Variants in DHX16 observed in about 807,000 individuals in gnomAD.
DHX16 encodes the protein DEAH-box helicase 16.
DHX16 carries 81 observed loss-of-function variants against 131.2 expected under a neutral mutation model. The ratio of observed to expected loss-of-function variants is 0.62; its 90% CI spans 0.52 to 0.74. The LOEUF (loss-of-function observed/expected upper bound fraction) is 0.74, where lower values mean the gene tolerates loss of function less well. Ranked by LOEUF, DHX16 falls within the 30% of genes least tolerant of loss-of-function variation. DHX16 has a pLI of 0.00. For synonymous variants in DHX16, 440 were observed against 520.2 expected (o/e 0.85, Z 2.10); for missense variants, 980 against 1,363.1 (o/e 0.72, Z 4.43).
Position 30,656,683 on chromosome 6 carries a change from G to A in DHX16, c.2225C>T (p.Ala742Val). The part of the protein sequence containing the change: ...GKCFRLYTAW[A>V]YQHELEETTV... ...GGTTTCCTCAAGCTCGTGCTGATAG[G>A]CCCAGGCGGTATACAGGCGGAAGCA... The change falls in exon 14 of 20, where the codon GCC becomes GTC. Residue 742 changes from alanine to valine, a missense_variant. This residue lies in a region of DHX16 where 309 missense variants were observed against 537.1 expected (regional missense o/e 0.58). Transcript: ENST00000376442. The surrounding 1 kb of genome is among the most constrained non-coding windows in gnomAD (Gnocchi z 5.1). 1 of 1,613,880 alleles carries A rather than the reference G, an allele frequency of 6.2e-7. No homozygotes were observed. Among genetic ancestry groups the A allele is most frequent in the Admixed American group, 1.7e-5 (1 of 60,014 alleles).
chr6:30,671,539 G>A (rs573591963), intron 1 of DHX16, among the ~76,000 whole-genome samples: 1 of 152,014 alleles, frequency 6.6e-6, no homozygotes, highest in Non-Finnish European at 1.5e-5. Flanking sequence ...TAGAGATGAG[G>A]TTTCACCATG....
rs759467481 is a variant in DHX16, at chr6:30,665,486, C to T, written c.914G>A (p.Arg305Gln). The T allele has an allele frequency of 1.7e-5, 28 of 1,612,724 alleles. No homozygotes were observed. Among genetic ancestry groups the T allele is most frequent in the Non-Finnish European group, 2.2e-5 (26 of 1,179,804 alleles). Residue 305 changes from arginine (R) to glutamine (Q), a missense_variant, in exon 5 of 20, where the codon CGA (arginine) becomes CAA (glutamine). Transcript: ENST00000376442. This position sits in a 1 kb window ranked among gnomAD's most constrained non-coding sequence, Gnocchi z 4.8. The stretch of plus-strand genomic sequence containing the variant: ...GACGCCGCTTCACCTCACCTGTCCT[C>T]GGGTTTCCTTGGGCATGTGGTAGCG... Reference protein sequence around the residue: ...TNRYHMPKETRGQPARAVDLV... With the variant: ...TNRYHMPKETQGQPARAVDLV...
At position 30,672,802 on chromosome 6, in the gene DHX16, C is replaced by A. The variant is rs766295819; in HGVS notation, c.40G>T (p.Glu14Ter). 6.2e-7 allele frequency: 1 copy of A among 1,612,950 alleles called. No homozygotes were observed. The highest frequency in any genetic ancestry group is 1.1e-5 in the South Asian group (1 of 91,078). Reference protein sequence around the residue: ...PAGLERWVQDELHSVLGLSER... With the variant: ...PAGLERWVQD ...CTCAGCCCCAACACCGAGTGCAGCT[C>A]GTCCTGAACCCAGCGCTCCAGACCC... The change falls in exon 1 of 20, where the codon GAG (glutamate) becomes TAG (stop). Residue 14 changes from glutamate (E) to a stop codon, truncating the protein, a stop_gained. Coordinates refer to ENST00000376442, the MANE Select transcript of DHX16 (RefSeq NM_003587.5). LOFTEE classifies it high-confidence loss of function.
At chr6:30,660,319 G>T in intron 9 of DHX16, 77 bp from the exon 10 acceptor site, 2 of 1,219,356 alleles carry the variant, frequency 1.6e-6, no homozygotes, top group Admixed American at 2.7e-5. Flanking sequence ...AACTGGATGA[G>T]AGGGGAGTAA....
chr6:30,671,375 C>G, intron 1 of DHX16, 101 bp from the exon 2 acceptor site: 2 of 1,131,968 alleles, frequency 1.8e-6, no homozygotes, highest in Non-Finnish European at 2.5e-6. Flanking sequence ...GTCTTTCCTG[C>G]CCCCGCGGCC....
In DHX16 at chr6:30,661,537, T is replaced by C. The variant is rs185172605; in HGVS notation, c.1544+1090A>G. Among the ~76,000 whole-genome samples the C allele has an allele frequency of 3.4e-4, 52 of 152,314 alleles. 1 individual carries two copies. The highest frequency in any genetic ancestry group is 3.1e-3 in the Admixed American group (47 of 15,296). ...GTGGGACAACTGCTGCTGGCATCATTCTTGACTGTTTCTTCTTTTGGAGAC... is the reference window on the plus strand; with the variant it reads ...GTGGGACAACTGCTGCTGGCATCATCCTTGACTGTTTCTTCTTTTGGAGAC... On this transcript the variant is annotated intron_variant, in intron 9 of 19. Coordinates refer to ENST00000376442, the MANE Select transcript of DHX16 (RefSeq NM_003587.5).
At position 30,670,648 on chromosome 6, in the gene DHX16, G is replaced by A; in HGVS notation, c.609+142C>T. 2 of 1,288,592 alleles carry A rather than the reference G, an allele frequency of 1.6e-6. No homozygotes were observed. Among genetic ancestry groups the A allele is most frequent in the East Asian group, 4.8e-5 (2 of 41,880 alleles). The allele number at this position is 1,288,592 out of a possible 1,614,324, so 79.8% of individuals were successfully genotyped here. On this transcript the variant is annotated intron_variant, in intron 3 of 19. Transcript: ENST00000376442. The surrounding 1 kb of genome is among the most constrained non-coding windows in gnomAD (Gnocchi z 4.4). ...AGTTGTCTTAGCCACAGGATGCACAGGGCTTCTCTCACCACAGAGGTGAAC... is the reference window on the plus strand; with the variant it reads ...AGTTGTCTTAGCCACAGGATGCACAAGGCTTCTCTCACCACAGAGGTGAAC...
chr6:30,670,867 G>A lies in DHX16; in HGVS notation c.532C>T (p.Arg178Cys), dbSNP rs779877701. 32 of 1,612,830 alleles carry A rather than the reference G, an allele frequency of 2.0e-5. No homozygotes were observed. The highest frequency in any genetic ancestry group is 1.5e-5 in the Non-Finnish European group (18 of 1,180,024). The change falls in exon 3 of 20, where the codon CGT becomes TGT. Residue 178 changes from arginine to cysteine, a missense_variant. Physicochemically the swap from Arg to Cys is radical, Grantham distance 180. Transcript: ENST00000376442. The surrounding 1 kb of genome is among the most constrained non-coding windows in gnomAD (Gnocchi z 4.4). ...CGAACCCGCTCAGCAAAGGCATCAC[G>A]CTCCTCCAGGTCCTGAAGGCGTTCA... is the stretch of plus-strand genomic sequence containing the variant. ...ERERLQDLEE[R>C]DAFAERVRQR...
Position 30,665,867 on chromosome 6 carries a change from G to GTCT in DHX16, c.667-135_667-134insAGA. The GTCT allele has an allele frequency of 8.8e-7, 1 of 1,142,506 alleles. No individual in the cohort carries two copies. The highest frequency in any genetic ancestry group is 1.2e-6 in the Non-Finnish European group (1 of 825,342). The allele number at this position is 1,142,506 out of a possible 1,614,324, so 70.8% of individuals were successfully genotyped here. A position where few individuals can be genotyped will look rare whatever the true frequency, so the allele number is the denominator to read the frequency against. On this transcript the variant is annotated intron_variant, in intron 4 of 19. Coordinates refer to ENST00000376442, the MANE Select transcript of DHX16 (RefSeq NM_003587.5). This position sits in a 1 kb window ranked among gnomAD's most constrained non-coding sequence, Gnocchi z 4.8. Reference sequence around the variant, plus strand: ...AGGATGCACCCTCTACCTTCCCTCTGCAATGCACAACCAAAACAATGACAT... The same window carrying GTCT: ...AGGATGCACCCTCTACCTTCCCTCTGTCTCAATGCACAACCAAAACAATGACAT...
In DHX16 at chr6:30,670,663, C is replaced by A; in HGVS notation, c.609+127G>T. Reference sequence around the variant, plus strand: ...AGGATGCACAGGGCTTCTCTCACCACAGAGGTGAACATCTCACTAGAGACA... The same window carrying A: ...AGGATGCACAGGGCTTCTCTCACCAAAGAGGTGAACATCTCACTAGAGACA... On this transcript the variant is annotated intron_variant, in intron 3 of 19. Coordinates refer to ENST00000376442, the MANE Select transcript of DHX16 (RefSeq NM_003587.5). This position sits in a 1 kb window ranked among gnomAD's most constrained non-coding sequence, Gnocchi z 4.4. The A allele has an allele frequency of 7.3e-7, 1 of 1,375,606 alleles. No individual in the cohort carries two copies. The highest frequency in any genetic ancestry group is 1.0e-6 in the Non-Finnish European group (1 of 995,364). 85.2% of individuals were successfully genotyped at this position (1,375,606 alleles called of 1,614,324 possible). A position where few individuals can be genotyped will look rare whatever the true frequency, so the allele number is the denominator to read the frequency against.
chr6:30,665,425 T>C lies in DHX16; in HGVS notation c.921+54A>G. On this transcript the variant is annotated intron_variant, in intron 5 of 19. Transcript: ENST00000376442. The surrounding 1 kb of genome is among the most constrained non-coding windows in gnomAD (Gnocchi z 4.8). Reference sequence around the variant, plus strand: ...CGTGTTGCCCAATCCCCTGAAGCCTTCCCCACAACTTGTCTTGGGGACCAA... The same window carrying C: ...CGTGTTGCCCAATCCCCTGAAGCCTCCCCCACAACTTGTCTTGGGGACCAA... The C allele has an allele frequency of 6.3e-7, 1 of 1,590,116 alleles. No individual in the cohort carries two copies. Among genetic ancestry groups the C allele is most frequent in the Non-Finnish European group, 8.6e-7 (1 of 1,166,666 alleles).
At chr6:30,666,142 T>C (rs958452007) in intron 4 of DHX16, among the ~76,000 whole-genome samples, 5 of 152,126 alleles carry the variant, frequency 3.3e-5, no homozygotes, top group Non-Finnish European at 7.4e-5. Context: ...CAGACAAAGA[T>C]AGAAACCAGT....
At position 30,670,367 on chromosome 6, in the gene DHX16, C is replaced by G; in HGVS notation, c.666+43G>C. The G allele has an allele frequency of 6.4e-7, 1 of 1,568,240 alleles. No homozygotes were observed. The highest frequency in any genetic ancestry group is 8.7e-7 in the Non-Finnish European group (1 of 1,149,058). On this transcript the variant is annotated intron_variant, in intron 4 of 19. Transcript: ENST00000376442. This position sits in a 1 kb window ranked among gnomAD's most constrained non-coding sequence, Gnocchi z 4.4. ...CTATACACTCTATCAGAAAGTCTTT[C>G]CTTTTGTCTTCTGATCTTGGCTCCC...
intron 4 of DHX16, among the ~76,000 whole-genome samples, chr6:30,669,413 T>A (rs1036100895): frequency 2.2e-4 from 33 of 150,470 alleles, no homozygotes; most frequent in African/African-American, 7.6e-4. Context: ...GGCAACAGAG[T>A]GAGACTCCAT....
chr6:30,666,733 G>T (rs565361218), intron 4 of DHX16, among the ~76,000 whole-genome samples: 1 of 152,102 alleles, frequency 6.6e-6, no homozygotes, highest in East Asian at 1.9e-4. Context: ...ATTTGAACCC[G>T]GGAGACGGAG....
chr6:30,665,112 T>TCTC lies in DHX16; in HGVS notation c.1081_1083dup (p.Glu361dup), dbSNP rs752516601. 4 of 1,613,726 alleles carry TCTC rather than the reference T, an allele frequency of 2.5e-6. No homozygotes were observed. In the Admixed American group the frequency reaches 5.0e-5, roughly 20 times the overall value. ...TGAGTGGCCCGGACAAACTCAATGGTCTCCTCCTCCTCCAGCACCAGTTGA... is the reference window on the plus strand; with the variant it reads ...TGAGTGGCCCGGACAAACTCAATGGTCTCCTCCTCCTCCTCCAGCACCAGTTGA... On this transcript the variant is annotated inframe_insertion, in exon 6 of 20. Coordinates refer to ENST00000376442, the MANE Select transcript of DHX16 (RefSeq NM_003587.5). This position sits in a 1 kb window ranked among gnomAD's most constrained non-coding sequence, Gnocchi z 4.8.
In DHX16 at chr6:30,659,748, G is replaced by A; in HGVS notation, c.1842C>T (p.Phe614=). 6.2e-7 allele frequency: 1 copy of A among 1,613,988 alleles called. No individual in the cohort carries two copies. Among genetic ancestry groups the A allele is most frequent in the Non-Finnish European group, 8.5e-7 (1 of 1,179,926 alleles). ...CCATGTCAGGCACCTGTCCTGTCAG[G>A]AACACCAGGATATCCCCAGGGGGCT... ...VTQPPGDILV[F]LTGQEEIEAA... is the part of the protein sequence containing the mutation. The change falls in exon 11 of 20, where the codon TTC becomes TTT. Residue 614 remains phenylalanine, a synonymous_variant. Transcript: ENST00000376442.
Position 30,665,872 on chromosome 6 carries a change from G to T in DHX16, c.667-139C>A. On this transcript the variant is annotated intron_variant, in intron 4 of 19. Coordinates refer to ENST00000376442, the MANE Select transcript of DHX16 (RefSeq NM_003587.5). The surrounding 1 kb of genome is among the most constrained non-coding windows in gnomAD (Gnocchi z 4.8). ...GCACCCTCTACCTTCCCTCTGCAAT[G>T]CACAACCAAAACAATGACATACTCA... 9.1e-7 allele frequency: 1 copy of T among 1,094,136 alleles called. No individual in the cohort carries two copies. Among genetic ancestry groups the T allele is most frequent in the Non-Finnish European group, 1.3e-6 (1 of 782,820 alleles). 67.8% of individuals were successfully genotyped at this position (1,094,136 alleles called of 1,614,324 possible).
intron 1 of DHX16, 92 bp downstream of exon 1, chr6:30,672,543 C>CT: frequency 8.5e-7 from 1 of 1,180,938 alleles, no homozygotes. Flanking sequence ...AGAATAAGTG[C>CT]TTGTGAACTG....
Sources: allele counts gnomAD v4.1 joint callset (sites outside exome capture counted in the v4.1 genomes callset), GRCh38; gene constraint gnomAD v4.1.1; regional missense constraint gnomAD v4.1.1; non-coding constraint Gnocchi (gnomAD v3.1); transcripts MANE v1.5; gene names NCBI Gene and HGNC (gene_info 2026-07-23, HGNC 2026-07-21).